Variants in ARB2A observed in about 807,000 individuals in gnomAD.
ARB2A encodes the protein cotranscriptional regulator ARB2A.
the ARB2A span, chr5:93,737,624 T>A: frequency 2.2e-5 from 4 of 179,112 alleles, no homozygotes; most frequent in South Asian, 4.3e-4. Context: ...AGTGTGGTAC[T>A]GGCATAAAGA....
the ARB2A span, among the ~76,000 whole-genome samples, chr5:93,933,709 G>C: frequency 6.6e-5 from 10 of 151,992 alleles, no homozygotes; most frequent in Non-Finnish European, 1.5e-4. Flanking sequence ...GCAGATGACA[G>C]GTTGATGGGT....
chr5:93,766,903 G>A, the ARB2A span, among the ~76,000 whole-genome samples: 33 of 152,138 alleles, frequency 2.2e-4, no homozygotes, highest in Admixed American at 3.9e-4. Context: ...CATGGATGAC[G>A]ATGGAAACCA....
the ARB2A span, among the ~76,000 whole-genome samples, chr5:93,961,562 T>C: frequency 2.0e-5 from 3 of 152,130 alleles, no homozygotes; most frequent in Admixed American, 6.6e-5. Context: ...TGTGCACCTG[T>C]AGTCCCAGCT....
the ARB2A span, among the ~76,000 whole-genome samples, chr5:93,786,002 TGAA>T: frequency 6.6e-6 from 1 of 152,168 alleles, no homozygotes; most frequent in South Asian, 2.1e-4. Flanking sequence ...AACTGGCTTA[TGAA>T]GAAATTATAC....
the ARB2A span, among the ~76,000 whole-genome samples, chr5:94,010,724 A>G: frequency 6.6e-6 from 1 of 152,112 alleles, no homozygotes; most frequent in South Asian, 2.1e-4. Context: ...TTTTCCTGTT[A>G]TATTATTATA....
the ARB2A span, among the ~76,000 whole-genome samples, chr5:93,803,429 C>CT: frequency 6.6e-6 from 1 of 151,772 alleles, no homozygotes; most frequent in African/African-American, 2.4e-5. Context: ...AACTCTCCTA[C>CT]TTCAATTCCC....
At chr5:94,050,559 A>G in the ARB2A span, among the ~76,000 whole-genome samples, 1 of 151,698 alleles carries the variant, frequency 6.6e-6, no homozygotes, top group Non-Finnish European at 1.5e-5. Flanking sequence ...GAACTTTTAA[A>G]CTGAGAATAT....
the ARB2A span, among the ~76,000 whole-genome samples, chr5:94,000,460 T>C: frequency 1.3e-5 from 2 of 152,092 alleles, no homozygotes; most frequent in African/African-American, 4.8e-5. Flanking sequence ...CTGCATAGCT[T>C]CTTTAGTGAG....
At chr5:93,837,569 C>T in the ARB2A span, among the ~76,000 whole-genome samples, 7 of 151,910 alleles carry the variant, frequency 4.6e-5, no homozygotes, top group Non-Finnish European at 1.0e-4. Context: ...CTCAGAATTG[C>T]CATTTTTTGA....
At chr5:93,891,480 CAAT>C in the ARB2A span, among the ~76,000 whole-genome samples, 3 of 151,980 alleles carry the variant, frequency 2.0e-5, no homozygotes, top group Admixed American at 6.6e-5. Flanking sequence ...AGAACCTCAA[CAAT>C]AATATACAAC....
chr5:93,845,522 A>G, the ARB2A span, among the ~76,000 whole-genome samples: 1 of 152,250 alleles, frequency 6.6e-6, no homozygotes, highest in Non-Finnish European at 1.5e-5. Flanking sequence ...GTAAAAAACC[A>G]AGAAGGCAGA....
At chr5:93,828,118 A>G in the ARB2A span, among the ~76,000 whole-genome samples, 1 of 152,122 alleles carries the variant, frequency 6.6e-6, no homozygotes, top group Middle Eastern at 3.4e-3. Context: ...TTTTTTTCCA[A>G]TTCTGTGAAG....
chr5:93,727,623 T>A, the ARB2A span, among the ~76,000 whole-genome samples: 6 of 152,030 alleles, frequency 3.9e-5, no homozygotes, highest in Non-Finnish European at 5.9e-5. Context: ...GAAAAGGCAA[T>A]TGCCCAGTGG....
At chr5:93,776,241 G>C in the ARB2A span, 1 of 1,606,632 alleles carries the variant, frequency 6.2e-7, no homozygotes, top group Admixed American at 1.7e-5. Flanking sequence ...AATTACAACA[G>C]TTCTGCAATG....
At chr5:93,738,695 A>G in the ARB2A span, 1 of 152,244 alleles carries the variant, frequency 6.6e-6, no homozygotes, top group South Asian at 2.1e-4. Context: ...TAAGTGAAAT[A>G]AGCCAGATAC....
chr5:93,621,320 G>A, the ARB2A span, among the ~76,000 whole-genome samples: 2 of 151,446 alleles, frequency 1.3e-5, no homozygotes, highest in African/African-American at 4.9e-5. Flanking sequence ...CGCGGGCGCG[G>A]GCCAGCCGAC....
At chr5:93,967,583 TAGG>T in the ARB2A span, among the ~76,000 whole-genome samples, 1 of 152,028 alleles carries the variant, frequency 6.6e-6, no homozygotes, top group Non-Finnish European at 1.5e-5. Flanking sequence ...AGTTAAAAAC[TAGG>T]AGGAGGTTCA....
the ARB2A span, among the ~76,000 whole-genome samples, chr5:93,815,819 C>T: frequency 2.5e-4 from 38 of 152,270 alleles, 1 homozygote; most frequent in African/African-American, 8.9e-4. Flanking sequence ...CCTTGATTTT[C>T]TGTTCCCCAC....
chr5:93,917,648 C>T, the ARB2A span, among the ~76,000 whole-genome samples: 34 of 152,050 alleles, frequency 2.2e-4, no homozygotes, highest in Middle Eastern at 0.014. Context: ...AAGGCAAAGG[C>T]GGGAGGATTG....
Sources: allele counts gnomAD v4.1 joint callset (sites outside exome capture counted in the v4.1 genomes callset), GRCh38; gene constraint gnomAD v4.1.1; transcripts MANE v1.5; gene names NCBI Gene and HGNC (gene_info 2026-07-23, HGNC 2026-07-21).